NSMCE2: variants seen among roughly 807,000 people sequenced by gnomAD.
The protein encoded by NSMCE2 is E3 SUMO-protein ligase NSE2.
In NSMCE2, 24 loss-of-function variants were observed where a neutral mutation model predicts 23.8. That is an observed-to-expected ratio of 1.01 (90% CI 0.73 to 1.42). The LOEUF (loss-of-function observed/expected upper bound fraction) is 1.42, where lower values mean the gene tolerates loss of function less well. NSMCE2 is among the 40% of genes most tolerant of loss of function. The pLI is 0.00. For missense variants in NSMCE2, 284 were observed against 296.5 expected (o/e 0.96, Z 0.31); for synonymous variants, 92 against 94.1 (o/e 0.98, Z 0.13).
chr8:125,153,511 A>T (rs1364719903), intron 4 of NSMCE2, among the ~76,000 whole-genome samples: 1 of 152,184 alleles, frequency 6.6e-6, no homozygotes, highest in Non-Finnish European at 1.5e-5. Context: ...AGCTAAGGAT[A>T]CTGCTATCTT....
chr8:125,311,400 T>C lies in NSMCE2; in HGVS notation c.419-45819T>C, dbSNP rs141384116. The stretch of plus-strand genomic sequence containing the variant: ...CCCATAAAATCTCCAAAGAAGGAAA[T>C]CTTATTTTTACCTTGGACTTTCAAA... On this transcript the variant is annotated intron_variant, in intron 5 of 7. Coordinates refer to ENST00000287437, the MANE Select transcript of NSMCE2 (RefSeq NM_173685.4). Among the ~76,000 whole-genome samples the C allele has an allele frequency of 2.1e-3, 315 of 152,324 alleles. 1 individual carries two copies. The highest frequency in any genetic ancestry group is 3.6e-3 in the Non-Finnish European group (248 of 68,022).
In NSMCE2 at chr8:125,363,542, A is replaced by AAGAAAG. The variant is rs781446509; in HGVS notation, c.627-3223_627-3222insAAGAGA. On this transcript the variant is annotated intron_variant, in intron 7 of 7. Transcript: ENST00000287437. ...GAGGAGAGAAAGAAAGAAAGAAAGA[A>AAGAAAG]AGAGAGAGAGAGAGAGAGAGGGAGG... Among the ~76,000 whole-genome samples the AAGAAAG allele has an allele frequency of 8.8e-3, 910 of 103,060 alleles. 14 individuals are homozygous for AAGAAAG. Among genetic ancestry groups the AAGAAAG allele is most frequent in the African/African-American group, 0.031 (850 of 27,216 alleles). The allele number at this position is 103,060 out of a possible 152,430, so 67.6% of individuals were successfully genotyped here. A position where few individuals can be genotyped will look rare whatever the true frequency, so the allele number is the denominator to read the frequency against.
intron 4 of NSMCE2, among the ~76,000 whole-genome samples, chr8:125,161,727 G>A (rs1485914823): frequency 6.6e-6 from 1 of 151,394 alleles, no homozygotes; most frequent in Non-Finnish European, 1.5e-5. Flanking sequence ...AACCCAGGAG[G>A]GTTGCAGTGA....
chr8:125,215,222 TG>T (rs1433665551), intron 5 of NSMCE2, among the ~76,000 whole-genome samples: 2 of 129,914 alleles, frequency 1.5e-5, no homozygotes, highest in African/African-American at 5.6e-5. Flanking sequence ...CCCCAGAGTG[TG>T]ATGTTCCCCT....
chr8:125,254,905 A>G (rs1826343188), intron 5 of NSMCE2, among the ~76,000 whole-genome samples: 1 of 152,044 alleles, frequency 6.6e-6, no homozygotes, highest in Non-Finnish European at 1.5e-5. Flanking sequence ...ATGTCCCCCA[A>G]AATTATTTGA....
chr8:125,286,038 C>T (rs529393284), intron 5 of NSMCE2, among the ~76,000 whole-genome samples: 42 of 152,006 alleles, frequency 2.8e-4, no homozygotes, highest in African/African-American at 9.4e-4. Flanking sequence ...AGTCCACTAG[C>T]AGCACTTGTT....
chr8:125,319,344 A>G (rs1230844612), intron 5 of NSMCE2, among the ~76,000 whole-genome samples: 1 of 152,238 alleles, frequency 6.6e-6, no homozygotes, highest in Non-Finnish European at 1.5e-5. Flanking sequence ...GCAAACAGGT[A>G]GCAGGAAAAT....
chr8:125,230,371 G>C (rs918764862), intron 5 of NSMCE2, among the ~76,000 whole-genome samples: 1 of 152,158 alleles, frequency 6.6e-6, no homozygotes, highest in Non-Finnish European at 1.5e-5. Flanking sequence ...AGACACAAGG[G>C]CTGATTGGTG....
chr8:125,328,774 T>G (rs1275088104), intron 5 of NSMCE2, among the ~76,000 whole-genome samples: 3 of 150,856 alleles, frequency 2.0e-5, no homozygotes, highest in Non-Finnish European at 3.0e-5. Context: ...CCACTTTCTG[T>G]TTTTTTTTCT....
chr8:125,347,670 G>C (rs1470865468), intron 5 of NSMCE2, among the ~76,000 whole-genome samples: 2 of 152,298 alleles, frequency 1.3e-5, no homozygotes, highest in African/African-American at 4.8e-5. Context: ...TGAAACAACA[G>C]AATAAGAAAG....
chr8:125,186,558 CATG>C, intron 5 of NSMCE2, among the ~76,000 whole-genome samples: 1 of 152,136 alleles, frequency 6.6e-6, no homozygotes, highest in Admixed American at 6.5e-5. Flanking sequence ...TGTATACAAA[CATG>C]ATATAATATG....
At chr8:125,130,380 A>G (rs1006586517) in intron 3 of NSMCE2, 2 of 412,536 alleles carry the variant, frequency 4.8e-6, no homozygotes, top group Admixed American at 5.4e-5. Flanking sequence ...TTTTCCCTCT[A>G]CATACTGTTT....
intron 1 of NSMCE2, among the ~76,000 whole-genome samples, chr8:125,097,164 T>C (rs930624950): frequency 2.5e-4 from 38 of 152,222 alleles, no homozygotes; most frequent in African/African-American, 9.2e-4. Flanking sequence ...TTGTATTTTT[T>C]CTTTTTTGAT....
At chr8:125,308,310 A>T (rs1412736931) in intron 5 of NSMCE2, among the ~76,000 whole-genome samples, 1 of 152,028 alleles carries the variant, frequency 6.6e-6, no homozygotes, top group Non-Finnish European at 1.5e-5. Flanking sequence ...TTTTCTCTGG[A>T]TGTTTTGGGG....
chr8:125,192,586 G>A (rs1823405941), intron 5 of NSMCE2, among the ~76,000 whole-genome samples: 1 of 152,120 alleles, frequency 6.6e-6, no homozygotes, highest in Non-Finnish European at 1.5e-5. Context: ...TGCATTGTTG[G>A]TGAACAACAT....
chr8:125,135,883 C>T (rs1201620973), intron 3 of NSMCE2, among the ~76,000 whole-genome samples: 1 of 152,140 alleles, frequency 6.6e-6, no homozygotes, highest in Non-Finnish European at 1.5e-5. Flanking sequence ...TTTGGCTATT[C>T]TAGGTCCTTT....
chr8:125,333,808 C>T (rs1216452186), intron 5 of NSMCE2, among the ~76,000 whole-genome samples: 5 of 152,064 alleles, frequency 3.3e-5, no homozygotes, highest in Non-Finnish European at 5.9e-5. Flanking sequence ...CCACCGCGCC[C>T]GGCCTTCCTG....
chr8:125,273,905 C>G lies in NSMCE2; in HGVS notation c.419-83314C>G, dbSNP rs1404601332. Among the ~76,000 whole-genome samples the G allele has an allele frequency of 2.6e-5, 4 of 152,350 alleles. 1 individual carries two copies. In the East Asian group the frequency reaches 7.7e-4, roughly 29 times the overall value. On this transcript the variant is annotated intron_variant, in intron 5 of 7. Coordinates refer to ENST00000287437, the MANE Select transcript of NSMCE2 (RefSeq NM_173685.4). ...TCATTTCTTGATCATCTGCATACCT[C>G]CTGCTGGGACCTGGAGCTAGCAGGT... is the stretch of plus-strand genomic sequence containing the variant.
chr8:125,366,598 G>C (rs1387508096), intron 7 of NSMCE2, among the ~76,000 whole-genome samples, 170 bp from the exon 8 acceptor site: 1 of 152,226 alleles, frequency 6.6e-6, no homozygotes, highest in Non-Finnish European at 1.5e-5. Flanking sequence ...CACCCAGACA[G>C]GGCCTGGCTC....
Sources: allele counts gnomAD v4.1 joint callset (sites outside exome capture counted in the v4.1 genomes callset), GRCh38; gene constraint gnomAD v4.1.1; transcripts MANE v1.5; gene names NCBI Gene and HGNC (gene_info 2026-07-23, HGNC 2026-07-21).